ENTPD1: variants seen among roughly 807,000 people sequenced by gnomAD.
The protein encoded by ENTPD1 is ATP diphosphohydrolase.
ENTPD1 carries 33 observed loss-of-function variants against 57.0 expected under a neutral mutation model. The observed-to-expected ratio is 0.58, with a 90% CI of 0.44 to 0.77. The LOEUF is 0.77. Ranked by LOEUF, ENTPD1 falls within the 30% of genes least tolerant of loss-of-function variation. The pLI is 0.00. For synonymous variants in ENTPD1, 202 were observed against 218.8 expected (o/e 0.92, Z 0.68); for missense variants, 501 against 603.4 (o/e 0.83, Z 1.78).
chr10:95,839,793 G>C lies in ENTPD1; in HGVS notation c.247G>C (p.Glu83Gln). 1 of 1,614,006 alleles carries C rather than the reference G, an allele frequency of 6.2e-7. No homozygotes were observed. Residue 83 changes from glutamate to glutamine, a missense_variant, in exon 3 of 10, where the codon GAA (glutamate) becomes CAA (glutamine). Physicochemically the swap from Glu to Gln is conservative, Grantham distance 29. Transcript: ENST00000371205. ...CACAGGCGTGGTGCATCAAGTAGAA[G>C]AATGCAGGGTTAAAGGTAAGATGAA... Reference protein sequence around the residue: ...NDTGVVHQVEECRVKGPGISK... With the variant: ...NDTGVVHQVEQCRVKGPGISK...
At chr10:95,845,063 T>C (rs1157111859) in intron 5 of ENTPD1, among the ~76,000 whole-genome samples, 1 of 152,202 alleles carries the variant, frequency 6.6e-6, no homozygotes, top group African/African-American at 2.4e-5. Context: ...AGTCTGCCCA[T>C]GGCTGTACAG....
chr10:95,755,645 T>G (rs2098020332), upstream of ENTPD1: 3 of 1,524,594 alleles, frequency 2.0e-6, no homozygotes, highest in African/African-American at 2.8e-5. Flanking sequence ...ACTCATCGCT[T>G]GGGTCACCTG....
chr10:95,802,453 C>T (rs1167113126), intron 1 of ENTPD1, among the ~76,000 whole-genome samples: 2 of 151,596 alleles, frequency 1.3e-5, no homozygotes, highest in African/African-American at 2.4e-5. Flanking sequence ...GATTTATTTC[C>T]CACCTTCTTT....
intron 1 of ENTPD1, among the ~76,000 whole-genome samples, chr10:95,719,266 A>G (rs966720875): frequency 3.3e-5 from 5 of 152,174 alleles, no homozygotes; most frequent in Admixed American, 1.3e-4. Flanking sequence ...TGTGACATAT[A>G]AAGAAAAGTC....
Position 95,870,952 on chromosome 10 carries a change from T to TACC in ENTPD1, c.*4570_*4572dup, listed in dbSNP as rs2098479730. On this transcript the variant is annotated 3_prime_UTR_variant, in exon 10 of 10. Transcript: ENST00000371205. ...AAGGGTGGATCAGACCTATTCCATA[T>TACC]ACCTCTTGTTCTCCTTGTCCAGTGG... 2.0e-6 allele frequency: 2 copies of TACC among 985,348 alleles called. No homozygotes were observed. The highest frequency in any genetic ancestry group is 1.2e-4 in the Admixed American group (2 of 16,262). 61.0% of individuals were successfully genotyped at this position (985,348 alleles called of 1,614,324 possible).
chr10:95,847,342 A>T, intron 6 of ENTPD1, 104 bp from the exon 7 acceptor site: 1 of 1,348,866 alleles, frequency 7.4e-7, no homozygotes. Flanking sequence ...TCCAATACCA[A>T]GTGGTGGGAT....
At chr10:95,747,488 A>G (rs926462133) in intron 1 of ENTPD1, among the ~76,000 whole-genome samples, 2 of 152,190 alleles carry the variant, frequency 1.3e-5, no homozygotes, top group African/African-American at 4.8e-5. Context: ...AATATAGAGA[A>G]CAGAATGCTC....
chr10:95,773,162 C>T (rs1172707407), intron 1 of ENTPD1, among the ~76,000 whole-genome samples: 1 of 152,126 alleles, frequency 6.6e-6, no homozygotes, highest in Non-Finnish European at 1.5e-5. Context: ...CAAAGAAGGT[C>T]ATTGATCTAT....
intron 1 of ENTPD1, among the ~76,000 whole-genome samples, chr10:95,793,215 C>T (rs948277713): frequency 2.0e-5 from 3 of 152,190 alleles, no homozygotes. Context: ...AGGACTGCTT[C>T]TAAAAAGCAG....
chr10:95,781,168 T>G, intron 1 of ENTPD1, among the ~76,000 whole-genome samples: 1 of 152,150 alleles, frequency 6.6e-6, no homozygotes, highest in East Asian at 1.9e-4. Flanking sequence ...AAAGACAAAC[T>G]TCACTTGTTC....
chr10:95,719,665 G>A (rs2097975345), intron 1 of ENTPD1, among the ~76,000 whole-genome samples: 1 of 152,214 alleles, frequency 6.6e-6, no homozygotes, highest in South Asian at 2.1e-4. Flanking sequence ...CGTTTGGGTG[G>A]CTTGATGGCA....
At chr10:95,743,248 C>T (rs544209376) in intron 1 of ENTPD1, among the ~76,000 whole-genome samples, 8 of 152,270 alleles carry the variant, frequency 5.3e-5, no homozygotes, top group East Asian at 1.9e-4. Flanking sequence ...TGATTAGGCT[C>T]GAGTTATGCA....
chr10:95,771,688 G>A (rs1362256957), intron 1 of ENTPD1, among the ~76,000 whole-genome samples: 2 of 152,026 alleles, frequency 1.3e-5, no homozygotes, highest in Non-Finnish European at 2.9e-5. Flanking sequence ...TGTATCTCTG[G>A]GCATGAACTC....
chr10:95,858,882 G>A (rs1042153257), intron 7 of ENTPD1, among the ~76,000 whole-genome samples: 6 of 152,212 alleles, frequency 3.9e-5, no homozygotes, highest in African/African-American at 1.4e-4. Context: ...AGTGGCCCCA[G>A]CTGACTTGGA....
chr10:95,860,583 G>A lies in ENTPD1; in HGVS notation c.1188+1G>A. The A allele has an allele frequency of 1.9e-6, 3 of 1,612,778 alleles. No individual in the cohort carries two copies. Among genetic ancestry groups the A allele is most frequent in the Non-Finnish European group, 2.5e-6 (3 of 1,179,016 alleles). On this transcript the variant is annotated splice_donor_variant, in intron 8 of 9. Coordinates refer to ENST00000371205, the MANE Select transcript of ENTPD1 (RefSeq NM_001776.6). LOFTEE classifies it high-confidence loss of function. The stretch of plus-strand genomic sequence containing the variant: ...GTTCTGTGCTCAGCCTTGGGAGGAG[G>A]TAAGTGACTAGGCACAGCAGCTCTA...
chr10:95,744,465 A>T (rs1020074288), intron 1 of ENTPD1, among the ~76,000 whole-genome samples: 1 of 151,916 alleles, frequency 6.6e-6, no homozygotes, highest in Non-Finnish European at 1.5e-5. Flanking sequence ...GTGAAACCCC[A>T]TCTCAACTAA....
chr10:95,783,024 T>A (rs1242329540), intron 1 of ENTPD1, among the ~76,000 whole-genome samples: 6 of 152,142 alleles, frequency 3.9e-5, no homozygotes, highest in Non-Finnish European at 8.8e-5. Flanking sequence ...GGAAGCGGTG[T>A]GTGTGTGTGT....
At chr10:95,784,417 C>T (rs1322270175) in intron 1 of ENTPD1, among the ~76,000 whole-genome samples, 1 of 152,154 alleles carries the variant, frequency 6.6e-6, no homozygotes, top group African/African-American at 2.4e-5. Context: ...TTTGCCCTAG[C>T]CAAGCTCAGA....
chr10:95,807,308 C>T (rs1039397191), intron 1 of ENTPD1, among the ~76,000 whole-genome samples: 11 of 152,224 alleles, frequency 7.2e-5, no homozygotes, highest in African/African-American at 2.2e-4. Context: ...GTGTGTGACC[C>T]GCCAAGCCAG....
Sources: gnomAD v4.1 joint callset for allele counts (sites outside exome capture counted in the v4.1 genomes callset) on GRCh38, gnomAD v4.1.1 for gene constraint, MANE v1.5 for transcripts, NCBI Gene and HGNC (gene_info 2026-07-23, HGNC 2026-07-21) for gene names.